The following UGT1A10 variants were observed in gnomAD, a reference collection of about 807,000 sequenced individuals.
UGT1A10 encodes the protein UDP glucuronosyltransferase family 1 member A10, also known as UDP-glucuronosyltransferase 1A10.
Under a neutral mutation model 45.8 loss-of-function variants are expected in UGT1A10, and 49 were observed. The ratio of observed to expected loss-of-function variants is 1.07; its 90% confidence interval spans 0.85 to 1.36. UGT1A10 has a LOEUF of 1.36. UGT1A10 is among the 40% of genes most tolerant of loss of function. The pLI is 0.00. For missense variants in UGT1A10, 745 were observed against 668.6 expected (o/e 1.11, Z -1.26); for synonymous variants, 284 against 249.7 (o/e 1.14, Z -1.29).
chr2:233,728,963 A>G (rs747345180), intron 1 of UGT1A10: 195 of 1,450,970 alleles, frequency 1.3e-4, no homozygotes, highest in Non-Finnish European at 1.6e-4. Flanking sequence ...AGTGAAAAAC[A>G]GTGATAGATT....
chr2:233,719,525 C>T (rs2076777345), intron 1 of UGT1A10: 21 of 1,613,982 alleles, frequency 1.3e-5, no homozygotes, highest in Non-Finnish European at 1.8e-5. Context: ...CAAGTCTTGC[C>T]TCTGAGCTTT....
chr2:233,706,099 A>AG (rs1029714130), intron 1 of UGT1A10, among the ~76,000 whole-genome samples: 2 of 152,164 alleles, frequency 1.3e-5, no homozygotes, highest in African/African-American at 4.8e-5. Context: ...TGTCTTAAAA[A>AG]AAAACCAAGA....
intron 1 of UGT1A10, among the ~76,000 whole-genome samples, chr2:233,660,713 C>G (rs772591843): frequency 1.3e-5 from 2 of 152,162 alleles, no homozygotes; most frequent in Admixed American, 1.3e-4. Flanking sequence ...GCCCGCTTCT[C>G]TTCCTTACTT....
chr2:233,689,779 G>A (rs1436002250), intron 1 of UGT1A10: 1 of 399,280 alleles, frequency 2.5e-6, no homozygotes, highest in Non-Finnish European at 4.9e-6. Context: ...GGGGACATAT[G>A]TTATGATGTG....
At chr2:233,754,446 C>T in intron 1 of UGT1A10, 1 of 350,362 alleles carries the variant, frequency 2.9e-6, no homozygotes, top group Non-Finnish European at 5.6e-6. Context: ...TTTATAAATT[C>T]TTGGGTACAG....
At position 233,728,920 on chromosome 2, in the gene UGT1A10, G is replaced by C. The variant is rs45496293; in HGVS notation, c.856-38114G>C. Among the ~76,000 whole-genome samples the C allele has an allele frequency of 4.5e-3, 686 of 151,868 alleles. 5 individuals carry two copies. Among genetic ancestry groups the C allele is most frequent in the African/African-American group, 0.016 (647 of 41,130 alleles). Reference sequence around the variant, plus strand: ...AGGGTCAGACGTGTTTTTCAAGATAGTCATGATCGGTCTTTTCCAGGGTGG... The same window carrying C: ...AGGGTCAGACGTGTTTTTCAAGATACTCATGATCGGTCTTTTCCAGGGTGG... On this transcript the variant is annotated intron_variant, in intron 1 of 4. Transcript: ENST00000344644.
rs568508589 is a variant in UGT1A10, at chr2:233,772,293, C to T, written c.1327C>T (p.Leu443Phe). ...YKENIMRLSS[L>F]HKDRPVEPLD... Reference sequence around the variant, plus strand: ...GGAGAACATCATGCGCCTCTCCAGCCTTCACAAGGACCGCCCGGTGGAGCC... The same window carrying T: ...GGAGAACATCATGCGCCTCTCCAGCTTTCACAAGGACCGCCCGGTGGAGCC... The change falls in exon 5 of 5, where the codon CTT becomes TTT. Residue 443 changes from leucine (L) to phenylalanine (F), a missense_variant. Transcript: ENST00000344644. 1.2e-6 allele frequency: 2 copies of T among 1,614,258 alleles called. No homozygotes were observed. Among genetic ancestry groups the T allele is most frequent in the Non-Finnish European group, 1.7e-6 (2 of 1,180,050 alleles).
chr2:233,674,488 CT>C (rs1376155466), intron 1 of UGT1A10, among the ~76,000 whole-genome samples: 6 of 152,294 alleles, frequency 3.9e-5, no homozygotes, highest in Non-Finnish European at 8.8e-5. Context: ...CTGCCACTTC[CT>C]GAACCCACAC....
intron 1 of UGT1A10, among the ~76,000 whole-genome samples, chr2:233,643,931 A>G (rs1172119442): frequency 6.6e-6 from 1 of 152,130 alleles, no homozygotes; most frequent in Non-Finnish European, 1.5e-5. Flanking sequence ...AATGCAAGAC[A>G]AAGTCCTCCC....
chr2:233,665,127 C>T (rs1181296605), intron 1 of UGT1A10, among the ~76,000 whole-genome samples: 2 of 152,142 alleles, frequency 1.3e-5, no homozygotes, highest in African/African-American at 4.8e-5. Context: ...CCAGGCTGGA[C>T]ATATTGTTCT....
rs17862855 is a variant in UGT1A10, at chr2:233,664,443, T to C, written c.855+27066T>C. ...CATTACGTTGCCATAAAGGAATGCC[T>C]GAGACTGGGTAATTTATAAATAAAA... is the stretch of plus-strand genomic sequence containing the variant. On this transcript the variant is annotated intron_variant, in intron 1 of 4. Coordinates refer to ENST00000344644, the MANE Select transcript of UGT1A10 (RefSeq NM_019075.4). Among the ~76,000 whole-genome samples, 1,122 of 152,308 alleles carry C rather than the reference T, an allele frequency of 7.4e-3. 7 individuals carry two copies. Among genetic ancestry groups the C allele is most frequent in the Non-Finnish European group, 0.014 (932 of 68,016 alleles).
chr2:233,663,353 G>C (rs555140641), intron 1 of UGT1A10, among the ~76,000 whole-genome samples: 1 of 152,162 alleles, frequency 6.6e-6, no homozygotes, highest in Non-Finnish European at 1.5e-5. Flanking sequence ...GTGGGTTGGG[G>C]GAATCCAGTA....
intron 1 of UGT1A10, among the ~76,000 whole-genome samples, chr2:233,680,109 G>A (rs1170091981): frequency 1.3e-5 from 2 of 151,980 alleles, no homozygotes; most frequent in Admixed American, 1.3e-4. Context: ...TAGCGGCAGA[G>A]CTCAATCTAC....
intron 1 of UGT1A10, among the ~76,000 whole-genome samples, chr2:233,766,079 G>A (rs1159217409): frequency 1.3e-5 from 2 of 152,140 alleles, no homozygotes; most frequent in East Asian, 1.9e-4. Flanking sequence ...CTACCTTGTC[G>A]CAAGGACAGA....
intron 1 of UGT1A10, chr2:233,729,744 A>G: frequency 1.2e-6 from 2 of 1,613,946 alleles, no homozygotes; most frequent in South Asian, 2.2e-5. Context: ...ACCACATGAC[A>G]TTCATGCAAA....
chr2:233,676,739 C>T (rs972827533), intron 1 of UGT1A10, among the ~76,000 whole-genome samples: 1 of 152,078 alleles, frequency 6.6e-6, no homozygotes, highest in Non-Finnish European at 1.5e-5. Context: ...ATGTTTTCAT[C>T]GTGGTAAAAC....
chr2:233,651,363 G>A (rs762039668), intron 1 of UGT1A10, among the ~76,000 whole-genome samples: 1 of 152,008 alleles, frequency 6.6e-6, no homozygotes, highest in Non-Finnish European at 1.5e-5. Context: ...GTTAAGATAT[G>A]TATAAAATAG....
chr2:233,727,623 G>T (rs2077633696), intron 1 of UGT1A10, among the ~76,000 whole-genome samples: 1 of 152,148 alleles, frequency 6.6e-6, no homozygotes. Flanking sequence ...AGGCTGAGAG[G>T]TTGCACCCAC....
chr2:233,694,344 G>A (rs2075216072), intron 1 of UGT1A10, among the ~76,000 whole-genome samples: 1 of 150,486 alleles, frequency 6.6e-6, no homozygotes, highest in Admixed American at 6.6e-5. Context: ...GTTTTTATAT[G>A]GCCCAGAGCT....
Sources: allele counts gnomAD v4.1 joint callset (sites outside exome capture counted in the v4.1 genomes callset), GRCh38; gene constraint gnomAD v4.1.1; transcripts MANE v1.5; gene names NCBI Gene and HGNC (gene_info 2026-07-23, HGNC 2026-07-21).